The following RNF170 variants were observed in gnomAD, a reference collection of about 807,000 sequenced individuals.
The protein encoded by RNF170 is ring finger protein 170.
In RNF170, 12 loss-of-function variants were observed where a neutral mutation model predicts 32.7. That is an observed-to-expected ratio of 0.37 (90% CI 0.24 to 0.60). The LOEUF is 0.60. Among genes scored for constraint, RNF170 ranks in the 20% least tolerant of loss-of-function variants. The pLI is 0.72. For synonymous variants in RNF170, 91 were observed against 103.6 expected (o/e 0.88, Z 0.74); for missense variants, 212 against 311.2 (o/e 0.68, Z 2.40).
At chr8:42,852,614 A>G (rs1032086022), downstream of RNF170, among the ~76,000 whole-genome samples, 2 of 151,908 alleles carry the variant, frequency 1.3e-5, no homozygotes, top group Non-Finnish European at 2.9e-5. Context: ...ACGGGGTTTC[A>G]CTATGTTGGC....
At chr8:42,882,711 G>A (rs1173299948) in intron 2 of RNF170, among the ~76,000 whole-genome samples, 1 of 152,158 alleles carries the variant, frequency 6.6e-6, no homozygotes, top group Non-Finnish European at 1.5e-5. Context: ...ACCCAGAGCT[G>A]AACCATGGGA....
chr8:42,861,265 A>G (rs891230535), intron 6 of RNF170: 1 of 152,234 alleles, frequency 6.6e-6, no homozygotes, highest in African/African-American at 2.4e-5. Flanking sequence ...AGTCCTTGGG[A>G]AAGGTGTAAT....
chr8:42,896,184 A>G (rs564400441), intron 1 of RNF170: 14 of 271,240 alleles, frequency 5.2e-5, no homozygotes, highest in Admixed American at 4.4e-4. Flanking sequence ...TGCATTAAGG[A>G]GAGTTCTCAG....
chr8:42,896,200 C>T (rs1457406400), intron 1 of RNF170: 4 of 291,064 alleles, frequency 1.4e-5, no homozygotes, highest in South Asian at 2.7e-5. Context: ...CTCAGGGTCA[C>T]GCTCCGAGCG....
At chr8:42,896,895 G>A (rs1277506377), upstream of RNF170, 530 of 352,884 alleles carry the variant, frequency 1.5e-3, 4 homozygotes, top group Non-Finnish European at 1.9e-4. Context: ...GGGACGCGGG[G>A]CGGCGGGCGT....
At chr8:42,887,953 C>T in intron 1 of RNF170, 82 bp from the exon 2 acceptor site, 1 of 1,278,916 alleles carries the variant, frequency 7.8e-7, no homozygotes, top group Non-Finnish European at 1.1e-6. Context: ...GTAAATATAA[C>T]TGACTTCTAA....
At chr8:42,879,110 C>T (rs1038544459) in intron 2 of RNF170, among the ~76,000 whole-genome samples, 6 of 152,182 alleles carry the variant, frequency 3.9e-5, no homozygotes, top group African/African-American at 1.4e-4. Context: ...TATCACTGCT[C>T]ATTGATAATA....
chr8:42,861,051 A>T (rs973306891), intron 6 of RNF170, among the ~76,000 whole-genome samples: 3 of 152,232 alleles, frequency 2.0e-5, no homozygotes, highest in Admixed American at 2.0e-4. Flanking sequence ...CATTTCAAAC[A>T]GGGCTAGGGC....
chr8:42,867,649 G>A (rs1230057863), intron 4 of RNF170, among the ~76,000 whole-genome samples: 23 of 150,094 alleles, frequency 1.5e-4, no homozygotes, highest in Middle Eastern at 6.9e-3. Context: ...GGTGGCAGGC[G>A]CCTATAGTTC....
chr8:42,863,255 C>CA (rs910887456), intron 5 of RNF170, among the ~76,000 whole-genome samples: 1 of 151,970 alleles, frequency 6.6e-6, no homozygotes, highest in African/African-American at 2.4e-5. Flanking sequence ...AGCCTCTAGT[C>CA]AATTTATGGA....
chr8:42,872,774 G>C (rs2128936808), intron 3 of RNF170, among the ~76,000 whole-genome samples: 1 of 152,152 alleles, frequency 6.6e-6, no homozygotes, highest in South Asian at 2.1e-4. Flanking sequence ...ATAAATATAA[G>C]TTCCATGAGG....
intron 1 of RNF170, among the ~76,000 whole-genome samples, chr8:42,891,378 A>T (rs574553488): frequency 6.6e-6 from 1 of 152,158 alleles, no homozygotes; most frequent in South Asian, 2.1e-4. Context: ...TTTTTTTTAA[A>T]AGAGACCAGA....
intron 6 of RNF170, among the ~76,000 whole-genome samples, chr8:42,860,483 C>T (rs921757970): frequency 4.0e-5 from 6 of 151,878 alleles, no homozygotes; most frequent in Admixed American, 2.6e-4. Flanking sequence ...AGTGCAGTGG[C>T]GTGATCTCAG....
intron 5 of RNF170, among the ~76,000 whole-genome samples, chr8:42,864,900 T>G (rs1391017449): frequency 6.6e-6 from 1 of 151,856 alleles, no homozygotes; most frequent in Non-Finnish European, 1.5e-5. Context: ...GATTCCCTTT[T>G]GTAGTGGTAT....
intron 2 of RNF170, among the ~76,000 whole-genome samples, chr8:42,886,990 C>T (rs1805879262): frequency 6.6e-6 from 1 of 151,562 alleles, no homozygotes; most frequent in African/African-American, 2.4e-5. Flanking sequence ...CCTGTCTCTA[C>T]AAAAAAATAC....
intron 1 of RNF170, among the ~76,000 whole-genome samples, chr8:42,894,570 T>A (rs1264051659): frequency 1.3e-5 from 2 of 151,498 alleles, no homozygotes; most frequent in Non-Finnish European, 2.9e-5. Flanking sequence ...CATGTGTAAT[T>A]TTTTTTTTCT....
intron 3 of RNF170, among the ~76,000 whole-genome samples, chr8:42,871,602 C>T (rs1804528644): frequency 6.6e-6 from 1 of 151,062 alleles, no homozygotes; most frequent in East Asian, 2.0e-4. Flanking sequence ...GACAGAGTCT[C>T]GCTCTGTCAC....
chr8:42,881,425 C>T (rs1805393605), intron 2 of RNF170: 1 of 151,990 alleles, frequency 6.6e-6, no homozygotes, highest in African/African-American at 2.4e-5. Context: ...GTGAATTGGC[C>T]CAGGATGAAA....
At chr8:42,885,040 C>T (rs1432924335) in intron 2 of RNF170, among the ~76,000 whole-genome samples, 1 of 144,440 alleles carries the variant, frequency 6.9e-6, no homozygotes, top group Non-Finnish European at 1.5e-5. Flanking sequence ...TGAAACTTTG[C>T]GCTGTTAGAC....
Sources: gnomAD v4.1 joint callset for allele counts (sites outside exome capture counted in the v4.1 genomes callset) on GRCh38, gnomAD v4.1.1 for gene constraint, MANE v1.5 for transcripts, NCBI Gene and HGNC (gene_info 2026-07-23, HGNC 2026-07-21) for gene names.